Variants in MYOM2 observed in about 807,000 individuals in gnomAD.
The protein encoded by MYOM2 is myomesin-2.
Under a neutral mutation model 187.6 loss-of-function variants are expected in MYOM2, and 254 were observed. The ratio of observed to expected loss-of-function variants is 1.35; its 90% confidence interval spans 1.22 to 1.50. MYOM2 has a LOEUF of 1.50. MYOM2 is among the 40% of genes most tolerant of loss of function. The pLI, the probability that MYOM2 is intolerant of heterozygous loss-of-function variation, is 0.00. For missense variants in MYOM2, 2,796 were observed against 1,924.0 expected (o/e 1.45, Z -8.48); for synonymous variants, 981 against 753.8 (o/e 1.30, Z -4.94).
chr8:2,131,097 G>C (rs1260114874), intron 32 of MYOM2, among the ~76,000 whole-genome samples: 5 of 152,086 alleles, frequency 3.3e-5, no homozygotes, highest in Admixed American at 2.6e-4. Context: ...GGGTCTGGGG[G>C]GTACAGAGAT....
intron 32 of MYOM2, among the ~76,000 whole-genome samples, chr8:2,132,124 G>C (rs865900674): frequency 2.6e-4 from 39 of 152,192 alleles, no homozygotes; most frequent in Admixed American, 1.9e-3. Flanking sequence ...AAGAAAATTA[G>C]TTGGAAAATT....
chr8:2,090,507 A>G lies in MYOM2; in HGVS notation c.1828+316A>G, dbSNP rs530735198. ...ATTTTAGGTTCAGGGGTCCATGTGT[A>G]GGCTTCTTACATAGGTAAACTTGTG... is the stretch of plus-strand genomic sequence containing the variant. On this transcript the variant is annotated intron_variant, in intron 15 of 36. Coordinates refer to ENST00000262113, the MANE Select transcript of MYOM2 (RefSeq NM_003970.4). Among the ~76,000 whole-genome samples the G allele has an allele frequency of 2.0e-5, 3 of 152,284 alleles. No homozygotes were observed. The South Asian group carries it at 6.2e-4, about 32-fold the overall frequency.
intron 31 of MYOM2, among the ~76,000 whole-genome samples, chr8:2,124,799 A>G (rs562965687): frequency 1.4e-4 from 22 of 152,118 alleles, no homozygotes; most frequent in Non-Finnish European, 3.2e-4. Context: ...CAGGTGTGAG[A>G]TGATATCTCA....
At chr8:2,068,794 C>T (rs1819113759) in intron 6 of MYOM2, among the ~76,000 whole-genome samples, 1 of 152,216 alleles carries the variant, frequency 6.6e-6, no homozygotes, top group East Asian at 1.9e-4. Flanking sequence ...CTCCCTGAAG[C>T]AGCACTCTGC....
chr8:2,106,710 G>C, intron 23 of MYOM2, 113 bp downstream of exon 23: 1 of 761,232 alleles, frequency 1.3e-6, no homozygotes, highest in Non-Finnish European at 2.1e-6. Flanking sequence ...GTTTGCAGGA[G>C]GCTGGCGGTG....
chr8:2,127,367 G>T (rs1404403478), intron 31 of MYOM2, among the ~76,000 whole-genome samples: 1 of 152,124 alleles, frequency 6.6e-6, no homozygotes, highest in Non-Finnish European at 1.5e-5. Flanking sequence ...TCCAAGTCCT[G>T]AGCTCACTCG....
At chr8:2,132,983 G>A (rs35668607) in intron 32 of MYOM2, among the ~76,000 whole-genome samples, 1 of 151,986 alleles carries the variant, frequency 6.6e-6, no homozygotes, top group Non-Finnish European at 1.5e-5. Context: ...GGGCGGTGAC[G>A]GGACGTTCCC....
intron 34 of MYOM2, 123 bp downstream of exon 34, chr8:2,141,300 A>G: frequency 3.9e-6 from 3 of 764,058 alleles, no homozygotes; most frequent in Non-Finnish European, 6.4e-6. Flanking sequence ...TTCCTGGGAC[A>G]GAAGTGGGAA....
chr8:2,116,548 C>G (rs1039407911), intron 27 of MYOM2, among the ~76,000 whole-genome samples: 2 of 152,102 alleles, frequency 1.3e-5, no homozygotes, highest in African/African-American at 4.8e-5. Context: ...GTGGTGGCTT[C>G]ATTTGGCTTT....
intron 25 of MYOM2, among the ~76,000 whole-genome samples, chr8:2,111,810 C>T (rs1163330208): frequency 6.6e-6 from 1 of 152,204 alleles, no homozygotes; most frequent in Non-Finnish European, 1.5e-5. Context: ...TCATTTCTGT[C>T]ACTTTCTATC....
chr8:2,092,084 CAGG>C (rs1796322025), intron 15 of MYOM2, among the ~76,000 whole-genome samples: 1 of 151,734 alleles, frequency 6.6e-6, no homozygotes, highest in South Asian at 2.1e-4. Flanking sequence ...TGATGGGAGA[CAGG>C]AGGATTCAGG....
At chr8:2,072,673 C>A (rs1396250428) in intron 9 of MYOM2, among the ~76,000 whole-genome samples, 164 bp downstream of exon 9, 2 of 152,200 alleles carry the variant, frequency 1.3e-5, no homozygotes, top group African/African-American at 4.8e-5. Context: ...CCACCGTTCG[C>A]CTTGAACTTC....
At chr8:2,141,230 G>C in intron 34 of MYOM2, 53 bp downstream of exon 34, 1 of 1,540,424 alleles carries the variant, frequency 6.5e-7, no homozygotes, top group Non-Finnish European at 8.9e-7. Flanking sequence ...TTGAGTCCCA[G>C]TCGTTTTGGC....
chr8:2,093,081 C>T (rs1585892235), intron 16 of MYOM2, among the ~76,000 whole-genome samples: 2 of 152,210 alleles, frequency 1.3e-5, no homozygotes, highest in South Asian at 4.1e-4. Context: ...GGTTATTAGG[C>T]TTCTCTGCGA....
At position 2,116,042 on chromosome 8, in the gene MYOM2, A is replaced by G. The variant is rs1288404147; in HGVS notation, c.3263A>G (p.Tyr1088Cys). ...TTTAGTATTGAAAATGAGGGGACCT[A>G]CACTGTGCAGATTCATGATGGGAAA... ...DRFSIENEGTYTVQIHDGKAK... is the reference protein window; with the variant it reads ...DRFSIENEGTCTVQIHDGKAK... The change falls in exon 26 of 37, where the codon TAC becomes TGC. Residue 1088 changes from tyrosine to cysteine, a missense_variant. Coordinates refer to ENST00000262113, the MANE Select transcript of MYOM2 (RefSeq NM_003970.4). 2 of 1,614,054 alleles carry G rather than the reference A, an allele frequency of 1.2e-6. No individual in the cohort carries two copies. The highest frequency in any genetic ancestry group is 2.2e-5 in the East Asian group (1 of 44,886).
intron 32 of MYOM2, among the ~76,000 whole-genome samples, chr8:2,133,829 A>T (rs75795212): frequency 0.13 from 19,725 of 152,042 alleles, 2,163 homozygotes; most frequent in African/African-American, 0.28. Flanking sequence ...CATTTATTTT[A>T]TTGTATATAA....
chr8:2,092,833 C>A (rs577768727), intron 16 of MYOM2, among the ~76,000 whole-genome samples: 4 of 152,232 alleles, frequency 2.6e-5, no homozygotes, highest in African/African-American at 9.6e-5. Context: ...ATAGTGACTA[C>A]GATGTGAAAG....
chr8:2,091,016 CTT>C (rs35873643), intron 15 of MYOM2, among the ~76,000 whole-genome samples: 3 of 86,526 alleles, frequency 3.5e-5, no homozygotes, highest in African/African-American at 9.0e-5. Flanking sequence ...AATGATAGTT[CTT>C]TTTTTTTTTT....
At chr8:2,133,097 A>G (rs752332185) in intron 32 of MYOM2, among the ~76,000 whole-genome samples, 65 of 152,204 alleles carry the variant, frequency 4.3e-4, no homozygotes, top group Admixed American at 1.6e-3. Context: ...CCCCTCTCAG[A>G]AAGCACAGGG....
Sources: gnomAD v4.1 joint callset for allele counts (sites outside exome capture counted in the v4.1 genomes callset) on GRCh38, gnomAD v4.1.1 for gene constraint, MANE v1.5 for transcripts, NCBI Gene and HGNC (gene_info 2026-07-23, HGNC 2026-07-21) for gene names.